PHLPP1: variants seen among roughly 807,000 people sequenced by gnomAD.
PHLPP1 encodes the protein PH domain and leucine rich repeat protein phosphatase 1, also known as PH domain leucine-rich repeat-containing protein phosphatase 1.
A neutral mutation model predicts 117.2 loss-of-function variants in PHLPP1; 42 were observed. The ratio of observed to expected loss-of-function variants is 0.36; its 90% CI spans 0.28 to 0.46. The LOEUF (loss-of-function observed/expected upper bound fraction) is 0.46. Ranked by LOEUF, PHLPP1 falls within the 20% of genes least tolerant of loss-of-function variation. PHLPP1 has a pLI of 1.00. For synonymous variants in PHLPP1, 1,042 were observed against 970.7 expected, an observed-to-expected ratio of 1.07 and a Z score of -1.37; for missense variants, 2,084 against 2,241.9, an observed-to-expected ratio of 0.93 and a Z score of 1.42.
At chr18:62,975,820 G>A (rs1568179742) in intron 16 of PHLPP1, among the ~76,000 whole-genome samples, 195 bp downstream of exon 16, 1 of 152,210 alleles carries the variant, frequency 6.6e-6, no homozygotes, top group African/African-American at 2.4e-5. Flanking sequence ...TTGCCTCTCT[G>A]CATCAGGCAC....
chr18:62,790,290 G>A (rs981447711), intron 1 of PHLPP1, among the ~76,000 whole-genome samples: 7 of 152,276 alleles, frequency 4.6e-5, no homozygotes, highest in African/African-American at 1.7e-4. Context: ...ACACGTGGGA[G>A]GAGGTATCAA....
chr18:62,794,195 G>A (rs185813786), intron 1 of PHLPP1, among the ~76,000 whole-genome samples: 13 of 151,724 alleles, frequency 8.6e-5, no homozygotes, highest in African/African-American at 3.1e-4. Flanking sequence ...TATCCCCCCC[G>A]AAAAAAGTGA....
At chr18:62,817,988 G>C (rs928604763) in intron 1 of PHLPP1, among the ~76,000 whole-genome samples, 1 of 151,452 alleles carries the variant, frequency 6.6e-6, no homozygotes, top group African/African-American at 2.4e-5. Flanking sequence ...CCGAGTAGCT[G>C]GGACTACAGG....
chr18:62,787,578 G>A (rs1254221143), intron 1 of PHLPP1, among the ~76,000 whole-genome samples: 1 of 152,128 alleles, frequency 6.6e-6, no homozygotes, highest in Non-Finnish European at 1.5e-5. Flanking sequence ...TTCTTGCCTT[G>A]GAACCAGGGT....
intron 4 of PHLPP1, among the ~76,000 whole-genome samples, chr18:62,885,409 C>T (rs906459259): frequency 1.3e-5 from 2 of 152,174 alleles, no homozygotes; most frequent in Non-Finnish European, 1.5e-5. Context: ...TGCCTGTAAT[C>T]CCAGCACTTT....
At chr18:62,720,902 G>A (rs1349647953) in intron 1 of PHLPP1, among the ~76,000 whole-genome samples, 2 of 152,122 alleles carry the variant, frequency 1.3e-5, no homozygotes, top group Admixed American at 6.5e-5. Context: ...TTAAGGAGGA[G>A]TCAGTGGCAA....
intron 10 of PHLPP1, among the ~76,000 whole-genome samples, chr18:62,939,841 T>C (rs1422641773): frequency 6.6e-6 from 1 of 152,130 alleles, no homozygotes; most frequent in Non-Finnish European, 1.5e-5. Context: ...CCTTTTTTTT[T>C]CTCTCCAAGA....
chr18:62,826,977 G>A (rs901796929), intron 1 of PHLPP1, among the ~76,000 whole-genome samples: 1 of 152,130 alleles, frequency 6.6e-6, no homozygotes, highest in African/African-American at 2.4e-5. Context: ...TCCAGCCTGG[G>A]TGACAGAGTG....
At chr18:62,836,133 TAAA>T in intron 2 of PHLPP1, among the ~76,000 whole-genome samples, 1 of 151,842 alleles carries the variant, frequency 6.6e-6, no homozygotes, top group South Asian at 2.1e-4. Context: ...CTAAAATAAA[TAAA>T]TAAATTAATT....
At chr18:62,796,292 G>A (rs1913629688) in intron 1 of PHLPP1, among the ~76,000 whole-genome samples, 2 of 152,222 alleles carry the variant, frequency 1.3e-5, no homozygotes, top group South Asian at 2.1e-4. Flanking sequence ...CAACAGGAAG[G>A]TGTTATTGTT....
chr18:62,860,794 G>C (rs933601684), intron 4 of PHLPP1, among the ~76,000 whole-genome samples, 193 bp downstream of exon 4: 1 of 152,090 alleles, frequency 6.6e-6, no homozygotes, highest in African/African-American at 2.4e-5. Flanking sequence ...TAAGGTTCTT[G>C]CTTTTGAAAC....
intron 1 of PHLPP1, among the ~76,000 whole-genome samples, chr18:62,796,964 A>G (rs1913646001): frequency 6.6e-6 from 1 of 152,254 alleles, no homozygotes; most frequent in Admixed American, 6.5e-5. Context: ...ATTCAAGCCC[A>G]GATTGCCATT....
chr18:62,919,214 G>A (rs1909386954), intron 9 of PHLPP1, among the ~76,000 whole-genome samples: 1 of 152,130 alleles, frequency 6.6e-6, no homozygotes, highest in African/African-American at 2.4e-5. Flanking sequence ...TGTAATGTTG[G>A]AGAAGTCTGA....
intron 13 of PHLPP1, among the ~76,000 whole-genome samples, chr18:62,960,042 G>A (rs1424938521): frequency 6.6e-6 from 1 of 152,036 alleles, no homozygotes; most frequent in African/African-American, 2.4e-5. Context: ...AGAAAACATG[G>A]ATTATCAAAA....
chr18:62,767,286 A>G (rs998198544), intron 1 of PHLPP1, among the ~76,000 whole-genome samples: 21 of 152,250 alleles, frequency 1.4e-4, no homozygotes, highest in African/African-American at 5.1e-4. Flanking sequence ...TCAGCTTTTC[A>G]AAAGTGCCAC....
At chr18:62,945,646 C>T (rs1910261252) in intron 12 of PHLPP1, among the ~76,000 whole-genome samples, 1 of 152,292 alleles carries the variant, frequency 6.6e-6, no homozygotes, top group East Asian at 1.9e-4. Context: ...AAAAGGTTAA[C>T]AGTACCACTA....
intron 1 of PHLPP1, among the ~76,000 whole-genome samples, chr18:62,755,831 G>A (rs914206960): frequency 6.6e-6 from 1 of 152,152 alleles, no homozygotes; most frequent in Non-Finnish European, 1.5e-5. Context: ...CTTGAACTGG[G>A]CAGTTTCTAT....
intron 1 of PHLPP1, among the ~76,000 whole-genome samples, chr18:62,725,945 T>C (rs781014359): frequency 4.6e-5 from 7 of 152,174 alleles, no homozygotes; most frequent in Non-Finnish European, 1.0e-4. Context: ...GTATCCCAGA[T>C]GCGGAAGCAG....
At chr18:62,791,981 CT>C (rs1423841447) in intron 1 of PHLPP1, among the ~76,000 whole-genome samples, 4 of 150,666 alleles carry the variant, frequency 2.7e-5, no homozygotes, top group Admixed American at 6.6e-5. Flanking sequence ...CATTTTCTCT[CT>C]TTCTGAATAA....
Sources: gnomAD v4.1 joint callset for allele counts (sites outside exome capture counted in the v4.1 genomes callset) on GRCh38, gnomAD v4.1.1 for gene constraint, MANE v1.5 for transcripts, NCBI Gene and HGNC (gene_info 2026-07-23, HGNC 2026-07-21) for gene names.